ZFPM2: variants seen among roughly 807,000 people sequenced by gnomAD.
ZFPM2 encodes zinc finger protein ZFPM2.
A neutral mutation model predicts 98.6 loss-of-function variants in ZFPM2; 20 were observed. The observed-to-expected ratio is 0.20, with a 90% CI of 0.14 to 0.29. The LOEUF (loss-of-function observed/expected upper bound fraction) is 0.29. ZFPM2 is among the 10% of genes least tolerant of loss of function. ZFPM2 has a pLI of 1.00. For missense variants in ZFPM2, 1,310 were observed against 1,388.6 expected (o/e 0.94, Z 0.90); for synonymous variants, 518 against 502.7 (o/e 1.03, Z -0.41).
intron 1 of ZFPM2, among the ~76,000 whole-genome samples, chr8:105,322,736 C>T (rs1441846300): frequency 2.6e-5 from 4 of 152,086 alleles, no homozygotes; most frequent in Admixed American, 6.5e-5. Flanking sequence ...AAAAGTGAAG[C>T]AGATACTGGA....
intron 4 of ZFPM2, among the ~76,000 whole-genome samples, chr8:105,610,702 T>A (rs1024707899): frequency 1.3e-5 from 2 of 151,768 alleles, no homozygotes; most frequent in African/African-American, 4.8e-5. Context: ...TCCAAAAGAG[T>A]GGACCAGTGA....
chr8:105,465,201 G>A (rs1484930492), intron 3 of ZFPM2, among the ~76,000 whole-genome samples: 1 of 151,838 alleles, frequency 6.6e-6, no homozygotes, highest in Non-Finnish European at 1.5e-5. Flanking sequence ...TGAATATAAA[G>A]GAAAAACATG....
At chr8:105,525,158 G>C (rs1409373085) in intron 3 of ZFPM2, among the ~76,000 whole-genome samples, 1 of 152,148 alleles carries the variant, frequency 6.6e-6, no homozygotes, top group Non-Finnish European at 1.5e-5. Flanking sequence ...CGTACACACA[G>C]ACCGTCACTA....
chr8:105,566,019 C>A (rs961488513), intron 4 of ZFPM2, among the ~76,000 whole-genome samples: 3 of 152,112 alleles, frequency 2.0e-5, no homozygotes, highest in Non-Finnish European at 2.9e-5. Flanking sequence ...AGTTCGATAG[C>A]GGTCTTTGGG....
chr8:105,366,220 T>C (rs546011270), intron 1 of ZFPM2, among the ~76,000 whole-genome samples: 67 of 152,272 alleles, frequency 4.4e-4, no homozygotes, highest in African/African-American at 1.5e-3. Flanking sequence ...GTATTTTACG[T>C]AATTCAATCG....
At chr8:105,405,790 T>A (rs981865965) in intron 1 of ZFPM2, among the ~76,000 whole-genome samples, 1 of 152,158 alleles carries the variant, frequency 6.6e-6, no homozygotes, top group African/African-American at 2.4e-5. Context: ...TTTGGGTATA[T>A]ACCCAGTAAT....
At chr8:105,410,227 C>T (rs1811548616) in intron 1 of ZFPM2, among the ~76,000 whole-genome samples, 1 of 151,848 alleles carries the variant, frequency 6.6e-6, no homozygotes, top group South Asian at 2.1e-4. Context: ...AATGTTTCCC[C>T]CTCACATCTT....
chr8:105,636,076 T>A (rs1816841961), intron 5 of ZFPM2, among the ~76,000 whole-genome samples: 1 of 152,158 alleles, frequency 6.6e-6, no homozygotes, highest in East Asian at 1.9e-4. Context: ...TGCATGAAAC[T>A]AAGTTTTGAC....
chr8:105,380,459 C>T (rs1297394731), intron 1 of ZFPM2, among the ~76,000 whole-genome samples: 2 of 147,980 alleles, frequency 1.4e-5, no homozygotes, highest in Non-Finnish European at 3.0e-5. Context: ...CACTCACGAT[C>T]AACATTACAT....
chr8:105,611,909 G>C (rs1816315813), intron 4 of ZFPM2, among the ~76,000 whole-genome samples: 1 of 151,866 alleles, frequency 6.6e-6, no homozygotes, highest in Non-Finnish European at 1.5e-5. Flanking sequence ...TGTTGGCCAG[G>C]CTGGTCTCGA....
At chr8:105,753,849 G>C (rs1184546340) in intron 5 of ZFPM2, among the ~76,000 whole-genome samples, 2 of 152,084 alleles carry the variant, frequency 1.3e-5, no homozygotes, top group African/African-American at 2.4e-5. Context: ...CTAGTTAAAT[G>C]TGTCATTCTT....
chr8:105,417,508 A>T (rs990673030), intron 1 of ZFPM2, among the ~76,000 whole-genome samples: 1 of 152,120 alleles, frequency 6.6e-6, no homozygotes, highest in Non-Finnish European at 1.5e-5. Context: ...TTGAAAAAAA[A>T]TAAGGGAAAT....
chr8:105,600,621 G>A (rs1336656085), intron 4 of ZFPM2, among the ~76,000 whole-genome samples: 2 of 151,836 alleles, frequency 1.3e-5, no homozygotes, highest in African/African-American at 2.4e-5. Flanking sequence ...AAGTTAAAAA[G>A]CATTAGGGAA....
intron 4 of ZFPM2, among the ~76,000 whole-genome samples, chr8:105,582,538 C>G (rs1815624177): frequency 1.3e-5 from 2 of 152,074 alleles, no homozygotes; most frequent in Admixed American, 1.3e-4. Flanking sequence ...GTGGAGAAAC[C>G]GTGATATATA....
chr8:105,399,405 G>C (rs576166853), intron 1 of ZFPM2, among the ~76,000 whole-genome samples: 4 of 152,140 alleles, frequency 2.6e-5, no homozygotes, highest in Non-Finnish European at 4.4e-5. Flanking sequence ...ATGTTTCGGA[G>C]GTAGAGCTTT....
intron 3 of ZFPM2, among the ~76,000 whole-genome samples, chr8:105,478,560 G>A (rs147595507): frequency 8.5e-5 from 13 of 152,260 alleles, no homozygotes; most frequent in Non-Finnish European, 1.5e-4. Context: ...TGGGAGCAGG[G>A]TTTTGTCACT....
intron 1 of ZFPM2, 40 bp downstream of exon 1, chr8:105,319,021 G>A: frequency 1.3e-6 from 2 of 1,482,160 alleles, no homozygotes; most frequent in Non-Finnish European, 1.8e-6. Flanking sequence ...TGGGATTATT[G>A]CCCAGGAGCG....
chr8:105,483,136 T>C (rs1813158137), intron 3 of ZFPM2, among the ~76,000 whole-genome samples: 1 of 151,840 alleles, frequency 6.6e-6, no homozygotes, highest in Admixed American at 6.6e-5. Flanking sequence ...GCTAGGATTA[T>C]AGGCATGAGC....
intron 5 of ZFPM2, among the ~76,000 whole-genome samples, chr8:105,647,498 G>A (rs1290031029): frequency 6.6e-6 from 1 of 151,428 alleles, no homozygotes; most frequent in Non-Finnish European, 1.5e-5. Context: ...ATTTACATTA[G>A]GTATATCTCC....
Sources: gnomAD v4.1 joint callset for allele counts (sites outside exome capture counted in the v4.1 genomes callset) on GRCh38, gnomAD v4.1.1 for gene constraint, MANE v1.5 for transcripts, NCBI Gene and HGNC (gene_info 2026-07-23, HGNC 2026-07-21) for gene names.